VTI1A: variants seen among roughly 807,000 people sequenced by gnomAD.
VTI1A encodes vesicle transport through interaction with t-SNAREs 1A.
A neutral mutation model predicts 34.9 loss-of-function variants in VTI1A; 22 were observed. The ratio of observed to expected loss-of-function variants is 0.63; its 90% CI spans 0.45 to 0.90. VTI1A has a LOEUF of 0.90. Ranked by LOEUF, VTI1A falls within the 40% of genes least tolerant of loss-of-function variation. VTI1A has a pLI of 0.00. For missense variants in VTI1A, 268 were observed against 275.6 expected, an observed-to-expected ratio of 0.97 and a Z score of 0.20; for synonymous variants, 87 against 97.3, an observed-to-expected ratio of 0.89 and a Z score of 0.62.
chr10:112,692,282 A>G (rs982631838), intron 7 of VTI1A, among the ~76,000 whole-genome samples: 1 of 152,208 alleles, frequency 6.6e-6, no homozygotes, highest in Non-Finnish European at 1.5e-5. Context: ...CAAACTTAAG[A>G]TTCTACAATT....
At chr10:112,692,839 G>C (rs1189688829) in intron 7 of VTI1A, among the ~76,000 whole-genome samples, 1 of 152,238 alleles carries the variant, frequency 6.6e-6, no homozygotes. Flanking sequence ...AACCACTGCT[G>C]CACTGGCCTT....
intron 5 of VTI1A, among the ~76,000 whole-genome samples, chr10:112,569,609 A>G (rs1225092567): frequency 6.6e-6 from 1 of 152,230 alleles, no homozygotes; most frequent in Non-Finnish European, 1.5e-5. Context: ...AGATAACTGT[A>G]CATTAGTGAG....
intron 3 of VTI1A, among the ~76,000 whole-genome samples, chr10:112,501,640 T>C (rs906654245): frequency 4.0e-5 from 6 of 150,940 alleles, no homozygotes; most frequent in African/African-American, 1.5e-4. Context: ...ACCTTTTTGC[T>C]ACTCCCTCCC....
intron 7 of VTI1A, among the ~76,000 whole-genome samples, chr10:112,697,765 A>G (rs1848847558): frequency 6.6e-6 from 1 of 152,144 alleles, no homozygotes; most frequent in Admixed American, 6.6e-5. Context: ...ATGGGTTTAA[A>G]TAGCTTTACT....
At chr10:112,495,363 A>G (rs1016477707) in intron 3 of VTI1A, among the ~76,000 whole-genome samples, 2 of 152,094 alleles carry the variant, frequency 1.3e-5, no homozygotes, top group Non-Finnish European at 2.9e-5. Flanking sequence ...CTTTCTCTCT[A>G]GGAGAGGGAT....
Position 112,762,586 on chromosome 10 carries a change from G to A in VTI1A, c.561-52704G>A, listed in dbSNP as rs76104493. ...AGTTAGGATATTATAACTTCAACAG[G>A]ACTGACTAATTTTAATCAGCTAATT... On this transcript the variant is annotated intron_variant, in intron 7 of 7. Transcript: ENST00000393077. 9.9e-4 allele frequency among the ~76,000 whole-genome samples: 151 copies of A among 152,252 alleles called. 2 individuals carry two copies. In the East Asian group the frequency reaches 0.019, roughly 19 times the overall value.
intron 7 of VTI1A, among the ~76,000 whole-genome samples, chr10:112,696,423 TA>T (rs1848790935): frequency 6.6e-6 from 1 of 152,152 alleles, no homozygotes; most frequent in African/African-American, 2.4e-5. Flanking sequence ...CCAACCTAAG[TA>T]AAATTGTTTC....
chr10:112,811,312 AAGTT>A (rs1853285437), intron 7 of VTI1A, among the ~76,000 whole-genome samples: 1 of 152,190 alleles, frequency 6.6e-6, no homozygotes, highest in Admixed American at 6.5e-5. Flanking sequence ...CAAACACTGG[AAGTT>A]AGATGCCTCC....
chr10:112,830,849 A>AT, the VTI1A span, among the ~76,000 whole-genome samples: 456 of 33,432 alleles, frequency 0.014, 22 homozygotes, highest in Middle Eastern at 0.042. Context: ...ATATATATAT[A>AT]TTTTTTTTTT....
chr10:112,840,805 T>C, the VTI1A span, among the ~76,000 whole-genome samples: 1 of 152,160 alleles, frequency 6.6e-6, no homozygotes, highest in Non-Finnish European at 1.5e-5. Context: ...GGCTATATTT[T>C]GGGGAAGGAG....
chr10:112,607,987 A>T (rs1441658008), intron 5 of VTI1A, among the ~76,000 whole-genome samples: 1 of 152,120 alleles, frequency 6.6e-6, no homozygotes, highest in Non-Finnish European at 1.5e-5. Flanking sequence ...CTTGGAATTG[A>T]CACCTCATCA....
At chr10:112,477,893 A>G (rs1848327368) in intron 3 of VTI1A, among the ~76,000 whole-genome samples, 4 of 152,152 alleles carry the variant, frequency 2.6e-5, no homozygotes, top group African/African-American at 9.7e-5. Flanking sequence ...CAAAAAATTC[A>G]TCTGAAGTAA....
intron 5 of VTI1A, among the ~76,000 whole-genome samples, chr10:112,621,757 T>C (rs988890164): frequency 9.9e-5 from 15 of 152,190 alleles, no homozygotes; most frequent in African/African-American, 3.1e-4. Flanking sequence ...AAATCCTTAA[T>C]TGTCCACTGT....
At chr10:112,572,864 T>C (rs1203292501) in intron 5 of VTI1A, among the ~76,000 whole-genome samples, 1 of 148,244 alleles carries the variant, frequency 6.7e-6, no homozygotes, top group Non-Finnish European at 1.5e-5. Context: ...AAAAAAGAAA[T>C]GTTCTCTCTT....
the VTI1A span, among the ~76,000 whole-genome samples, chr10:112,834,730 C>T: frequency 6.6e-6 from 1 of 152,244 alleles, no homozygotes; most frequent in Non-Finnish European, 1.5e-5. Flanking sequence ...TGGAAGCTCG[C>T]TCCCCTGGCT....
At chr10:112,481,089 A>G (rs555940567) in intron 3 of VTI1A, among the ~76,000 whole-genome samples, 4 of 152,298 alleles carry the variant, frequency 2.6e-5, no homozygotes, top group African/African-American at 9.6e-5. Context: ...TTAATGAAGC[A>G]CCTGAAACAA....
At chr10:112,596,632 C>T (rs533301938) in intron 5 of VTI1A, among the ~76,000 whole-genome samples, 1 of 152,248 alleles carries the variant, frequency 6.6e-6, no homozygotes, top group South Asian at 2.1e-4. Context: ...AAATTTTCCT[C>T]CAAAACACTA....
At chr10:112,502,579 C>T (rs761592104) in intron 3 of VTI1A, among the ~76,000 whole-genome samples, 2 of 152,162 alleles carry the variant, frequency 1.3e-5, no homozygotes, top group African/African-American at 4.8e-5. Flanking sequence ...TGACTGTGGA[C>T]CCACTGTCAT....
chr10:112,617,033 C>T (rs544007439), intron 5 of VTI1A, among the ~76,000 whole-genome samples: 37 of 152,142 alleles, frequency 2.4e-4, no homozygotes, highest in Non-Finnish European at 5.0e-4. Flanking sequence ...AGACATAAAT[C>T]CACAGAGACA....
Sources: gnomAD v4.1 joint callset for allele counts (sites outside exome capture counted in the v4.1 genomes callset) on GRCh38, gnomAD v4.1.1 for gene constraint, MANE v1.5 for transcripts, NCBI Gene and HGNC (gene_info 2026-07-23, HGNC 2026-07-21) for gene names.